Variants in PDE4DIP observed in about 807,000 individuals in gnomAD.
PDE4DIP encodes myomegalin.
Under a neutral mutation model 221.4 loss-of-function variants are expected in PDE4DIP, and 59 were observed. The ratio of observed to expected loss-of-function variants is 0.27; its 90% CI spans 0.22 to 0.33. The LOEUF is 0.33. PDE4DIP is among the 10% of genes least tolerant of loss of function. The pLI, the probability that PDE4DIP is intolerant of heterozygous loss-of-function variation, is 1.00. For synonymous variants in PDE4DIP, 404 were observed against 815.9 expected (o/e 0.50, Z 8.60); for missense variants, 1,036 against 2,154.2 (o/e 0.48, Z 10.28).
intron 21 of PDE4DIP, among the ~76,000 whole-genome samples, chr1:148,988,294 ATAT>A (rs1381940634): frequency 6.9e-6 from 1 of 145,340 alleles, no homozygotes; most frequent in African/African-American, 2.6e-5. Context: ...AACAATAATA[ATAT>A]TGTTTAAGGA....
At chr1:149,012,547 C>T (rs1553606075) in intron 31 of PDE4DIP, 44 bp from the exon 35 acceptor site, 1 of 1,236,658 alleles carries the variant, frequency 8.1e-7, no homozygotes, top group Admixed American at 2.2e-5. Flanking sequence ...CTCTCATTTT[C>T]TCTTGATGAT....
chr1:148,979,664 A>G, intron 19 of PDE4DIP, 73 bp from the exon 23 acceptor site: 1 of 1,362,696 alleles, frequency 7.3e-7, no homozygotes, highest in Non-Finnish European at 1.0e-6. Flanking sequence ...GTACATGCTA[A>G]TGCATTTTCT....
At chr1:149,032,473 G>C (rs1375475159) in exon 44 of PDE4DIP, 200 of 370,626 alleles carry the variant, frequency 5.4e-4, no homozygotes, top group Middle Eastern at 3.0e-3. Context: ...GGACACTGCT[G>C]GCGGGGGCTC....
chr1:148,885,111 AC>A (rs1695432989), upstream of PDE4DIP, among the ~76,000 whole-genome samples: 1 of 147,434 alleles, frequency 6.8e-6, no homozygotes. Flanking sequence ...AACTAAGAAA[AC>A]ATCCCACTTT....
In PDE4DIP at chr1:149,016,566, G is replaced by A. The variant is rs782250502; in HGVS notation, c.5518+16G>A. ...AAACCCACAGGTAAAGCACAAAGCA[G>A]AGATGGCAGCCTTTGAAAAGAAGTC... is the stretch of plus-strand genomic sequence containing the variant. On this transcript the variant is annotated intron_variant, in intron 33 of 43. Transcript: ENST00000369354. 3 of 602,594 alleles carry A rather than the reference G, an allele frequency of 5.0e-6. No homozygotes were observed. Among genetic ancestry groups the A allele is most frequent in the Middle Eastern group, 8.8e-4 (2 of 2,276 alleles). The allele number at this position is 602,594 out of a possible 1,614,324, so 37.3% of individuals were successfully genotyped here. A position where few individuals can be genotyped will look rare whatever the true frequency, so the allele number is the denominator to read the frequency against.
chr1:148,875,855 G>A (rs1225956024), intron 3 of PDE4DIP, among the ~76,000 whole-genome samples: 1 of 152,270 alleles, frequency 6.6e-6, no homozygotes, highest in South Asian at 2.1e-4. Context: ...GAACCCAGAG[G>A]GCAGAGGTTG....
intron 5 of PDE4DIP, chr1:148,953,136 T>G (rs782616978): frequency 6.2e-7 from 1 of 1,614,028 alleles, no homozygotes; most frequent in Non-Finnish European, 8.5e-7. Context: ...GACATGTCCG[T>G]CTTACCCGAT....
At chr1:148,975,584 G>A (rs1610783) in intron 17 of PDE4DIP, among the ~76,000 whole-genome samples, 13 of 148,992 alleles carry the variant, frequency 8.7e-5, no homozygotes, top group Non-Finnish European at 1.4e-4. Flanking sequence ...GCTTTAACTC[G>A]CTCTAGCATA....
chr1:149,026,098 AG>A (rs1187254579), intron 38 of PDE4DIP: 19 of 146,876 alleles, frequency 1.3e-4, no homozygotes, highest in Non-Finnish European at 2.8e-4. Context: ...CGGAGGCCTG[AG>A]CTGGAAAGCA....
At chr1:149,028,643 C>T in exon 41 of PDE4DIP, 2 of 1,602,618 alleles carry the variant, frequency 1.2e-6, no homozygotes, top group Non-Finnish European at 8.5e-7. Context: ...CTTCCCTCCT[C>T]ACCATGTTCT....
At position 149,021,272 on chromosome 1, in the gene PDE4DIP, C is replaced by A. The variant is rs199903289; in HGVS notation, c.6085+119C>A. On this transcript the variant is annotated intron_variant, in intron 37 of 43. Coordinates refer to ENST00000369354, the Ensembl canonical transcript of PDE4DIP. ...AGCTACAGAGTTCTGTTGCAGAAAC[C>A]CCCACCCGAGCCTGGGGCTCCCAGT... The A allele has an allele frequency of 1.7e-5, 13 of 749,276 alleles. No individual in the cohort carries two copies. In the Admixed American group the frequency reaches 3.0e-4, roughly 17 times the overall value. 46.4% of individuals were successfully genotyped at this position (749,276 alleles called of 1,614,324 possible).
intron 35 of PDE4DIP, among the ~76,000 whole-genome samples, 168 bp from the exon 39 acceptor site, chr1:149,019,979 C>T (rs587600715): frequency 1.3e-5 from 2 of 152,218 alleles, no homozygotes; most frequent in South Asian, 4.2e-4. Flanking sequence ...AGAGAGGCAC[C>T]ATGCTCCAGG....
chr1:148,981,418 C>T (rs186798399), intron 21 of PDE4DIP, 21 bp downstream of exon 24: 53 of 1,613,492 alleles, frequency 3.3e-5, no homozygotes, highest in Admixed American at 2.5e-4. Flanking sequence ...GGAAAGTGTG[C>T]GAATTCATCA....
chr1:149,016,241 G>A (rs2070502152), intron 32 of PDE4DIP, 58 bp from the exon 36 acceptor site: 24 of 1,529,116 alleles, frequency 1.6e-5, no homozygotes, highest in Non-Finnish European at 2.2e-5. Context: ...ACACTTCCTT[G>A]CAAATTCTTC....
At chr1:148,989,392 C>T (rs1440277711) in intron 21 of PDE4DIP, 191 of 867,322 alleles carry the variant, frequency 2.2e-4, no homozygotes, top group Non-Finnish European at 2.7e-4. Context: ...CTTATGAAGC[C>T]AGAACCATAG....
intron 1 of PDE4DIP, among the ~76,000 whole-genome samples, chr1:148,820,586 A>G (rs1282048982): frequency 1.4e-5 from 2 of 142,106 alleles, no homozygotes; most frequent in Non-Finnish European, 3.1e-5. Context: ...AAAAAGAAAG[A>G]AAGTAGTTGT....
At chr1:148,885,005 T>C (rs4649746), upstream of PDE4DIP, among the ~76,000 whole-genome samples, 151 of 149,068 alleles carry the variant, frequency 1.0e-3, no homozygotes, top group Middle Eastern at 0.024. Context: ...AATCAGCAGG[T>C]TAATTACTCA....
At position 148,978,262 on chromosome 1, in the gene PDE4DIP, A is replaced by AT. The variant is rs1481556427; in HGVS notation, c.2437-10dup. 1 of 1,577,796 alleles carries AT rather than the reference A, an allele frequency of 6.3e-7. No homozygotes were observed. The highest frequency in any genetic ancestry group is 8.6e-7 in the Non-Finnish European group (1 of 1,156,724). On this transcript the variant is annotated splice_polypyrimidine_tract_variant and intron_variant, in intron 18 of 43. Coordinates refer to ENST00000369354, the Ensembl canonical transcript of PDE4DIP. ...TATTACTATTTTCACATCCATACTT[A>AT]TTTTTTGACTTCTAGGACCTGCAAA... is the stretch of plus-strand genomic sequence containing the variant.
chr1:148,992,355 G>A (rs2063306483), intron 22 of PDE4DIP: 1 of 1,543,660 alleles, frequency 6.5e-7, no homozygotes, highest in Non-Finnish European at 8.7e-7. Flanking sequence ...GTCATCGAAG[G>A]GCTGCTCGGG....
Sources: gnomAD v4.1 joint callset for allele counts (sites outside exome capture counted in the v4.1 genomes callset) on GRCh38, gnomAD v4.1.1 for gene constraint, MANE v1.5 for transcripts, NCBI Gene and HGNC (gene_info 2026-07-23, HGNC 2026-07-21) for gene names.